The following MEOX1 variants were observed in gnomAD, a reference collection of about 807,000 sequenced individuals.
MEOX1 encodes the protein mesenchyme homeobox 1.
In MEOX1, 17 loss-of-function variants were observed where a neutral mutation model predicts 23.2. That is an observed-to-expected ratio of 0.73 (90% CI 0.50 to 1.10). The LOEUF is 1.10. MEOX1 is among the 50% of genes least tolerant of loss of function. The pLI is 0.00. For missense variants in MEOX1, 333 were observed against 332.2 expected (o/e 1.00, Z -0.02); for synonymous variants, 134 against 135.1 (o/e 0.99, Z 0.06).
intron 1 of MEOX1, among the ~76,000 whole-genome samples, chr17:43,659,069 C>T (rs370572255): frequency 2.6e-5 from 4 of 152,290 alleles, no homozygotes; most frequent in East Asian, 3.9e-4. Flanking sequence ...GCAGGGCCAT[C>T]GGCCACTCGC....
intron 1 of MEOX1, among the ~76,000 whole-genome samples, chr17:43,645,391 A>G (rs923715975): frequency 6.6e-6 from 1 of 151,990 alleles, no homozygotes; most frequent in Non-Finnish European, 1.5e-5. Context: ...GATAGCCAGG[A>G]TGATCTCGAT....
intron 1 of MEOX1, among the ~76,000 whole-genome samples, chr17:43,658,591 C>T (rs1973083208): frequency 6.6e-6 from 1 of 151,124 alleles, no homozygotes; most frequent in Non-Finnish European, 1.5e-5. Flanking sequence ...CAAAATATCA[C>T]AATTTTGGAG....
At position 43,658,168 on chromosome 17, in the gene MEOX1, T is replaced by C. The variant is rs569909775; in HGVS notation, c.469+2898A>G. Reference sequence around the variant, plus strand: ...CTTCCAGGGACCACTCAGCCTGGACTTGGGGAGGCCCAAATGCAAGGGCAT... The same window carrying C: ...CTTCCAGGGACCACTCAGCCTGGACCTGGGGAGGCCCAAATGCAAGGGCAT... On this transcript the variant is annotated intron_variant, in intron 1 of 2. Coordinates refer to ENST00000318579, the MANE Select transcript of MEOX1 (RefSeq NM_004527.4). 3.7e-3 allele frequency among the ~76,000 whole-genome samples: 558 copies of C among 152,314 alleles called. 1 individual carries two copies. Among genetic ancestry groups the C allele is most frequent in the African/African-American group, 0.013 (534 of 41,570 alleles).
At chr17:43,657,040 T>TTCTTTCTTTC in intron 1 of MEOX1, among the ~76,000 whole-genome samples, 1 of 140,406 alleles carries the variant, frequency 7.1e-6, no homozygotes, top group East Asian at 2.0e-4. Context: ...CTTTCTTTCT[T>TTCTTTCTTTC]TCTTTCTTTC....
intron 1 of MEOX1, among the ~76,000 whole-genome samples, chr17:43,656,717 A>ACC (rs1407809517): frequency 2.0e-5 from 3 of 152,138 alleles, no homozygotes; most frequent in Non-Finnish European, 2.9e-5. Flanking sequence ...TAGCCACTCT[A>ACC]ATCACACGCA....
At chr17:43,657,166 CTTTCTTTTTTTT>C (rs1207862743) in intron 1 of MEOX1, among the ~76,000 whole-genome samples, 3 of 81,148 alleles carry the variant, frequency 3.7e-5, no homozygotes, top group Non-Finnish European at 5.0e-5. Context: ...TTCTTTCTTT[CTTTCTTTTTTTT>C]TTTTTTTTTT....
chr17:43,651,101 G>A (rs1430543014), intron 1 of MEOX1, among the ~76,000 whole-genome samples: 1 of 152,082 alleles, frequency 6.6e-6, no homozygotes, highest in Non-Finnish European at 1.5e-5. Flanking sequence ...GGTGGATCAC[G>A]AGATCAGGAG....
chr17:43,657,032 TTCTTTC>T (rs751975902), intron 1 of MEOX1, among the ~76,000 whole-genome samples: 35 of 131,790 alleles, frequency 2.7e-4, no homozygotes, highest in Non-Finnish European at 4.0e-4. Context: ...CTTTCTTTCT[TTCTTTC>T]TTTCTTTCTT....
intron 1 of MEOX1, among the ~76,000 whole-genome samples, chr17:43,649,892 G>A (rs866420711): frequency 3.9e-5 from 6 of 152,142 alleles, no homozygotes; most frequent in Non-Finnish European, 5.9e-5. Context: ...ATGTGATTGC[G>A]GTTTCCACCA....
intron 1 of MEOX1, among the ~76,000 whole-genome samples, chr17:43,654,112 C>T (rs763535166): frequency 1.2e-4 from 19 of 152,130 alleles, no homozygotes; most frequent in Non-Finnish European, 2.6e-4. Context: ...AAGCCCTAAC[C>T]CCAGTACCTT....
chr17:43,648,454 A>C (rs1049172174), intron 1 of MEOX1, among the ~76,000 whole-genome samples: 1 of 148,898 alleles, frequency 6.7e-6, no homozygotes, highest in African/African-American at 2.5e-5. Flanking sequence ...GCAACAGAGA[A>C]AGACTCTGTC....
At chr17:43,657,214 G>T (rs1372734841) in intron 1 of MEOX1, among the ~76,000 whole-genome samples, 1 of 132,406 alleles carries the variant, frequency 7.6e-6, no homozygotes, top group Non-Finnish European at 1.5e-5. Context: ...TGTCACCCAG[G>T]CTGAATGAAG....
intron 2 of MEOX1, among the ~76,000 whole-genome samples, chr17:43,643,267 A>G (rs374860479): frequency 9.8e-5 from 15 of 152,362 alleles, no homozygotes; most frequent in African/African-American, 3.4e-4. Flanking sequence ...AGATCGCGCC[A>G]CTGCACTCCA....
chr17:43,652,185 T>G (rs1270156951), intron 1 of MEOX1, among the ~76,000 whole-genome samples: 2 of 152,112 alleles, frequency 1.3e-5, no homozygotes, highest in African/African-American at 2.4e-5. Flanking sequence ...CCATAAAACT[T>G]CTTCCTCACT....
chr17:43,653,030 C>T (rs1972947788), intron 1 of MEOX1, among the ~76,000 whole-genome samples: 1 of 151,558 alleles, frequency 6.6e-6, no homozygotes, highest in Non-Finnish European at 1.5e-5. Flanking sequence ...GATGGCATTT[C>T]ACCGTGTTAG....
At chr17:43,650,158 C>A (rs1216705424) in intron 1 of MEOX1, among the ~76,000 whole-genome samples, 3 of 152,190 alleles carry the variant, frequency 2.0e-5, no homozygotes, top group Non-Finnish European at 2.9e-5. Flanking sequence ...CAAGGGATTT[C>A]TTTCCTCCAA....
intron 1 of MEOX1, among the ~76,000 whole-genome samples, chr17:43,651,045 G>A (rs1017068427): frequency 1.3e-5 from 2 of 152,174 alleles, no homozygotes; most frequent in African/African-American, 2.4e-5. Flanking sequence ...CTGGCTGGGC[G>A]CGGTGGCTCA....
chr17:43,651,048 G>A (rs1200682975), intron 1 of MEOX1, among the ~76,000 whole-genome samples: 1 of 152,232 alleles, frequency 6.6e-6, no homozygotes, highest in African/African-American at 2.4e-5. Context: ...GCTGGGCGCG[G>A]TGGCTCACAC....
At chr17:43,645,364 A>G (rs934803497) in intron 1 of MEOX1, among the ~76,000 whole-genome samples, 4 of 151,846 alleles carry the variant, frequency 2.6e-5, no homozygotes, top group Middle Eastern at 3.4e-3. Flanking sequence ...TTTTTAGTAG[A>G]GACGACGTTT....
Sources: gnomAD v4.1 joint callset for allele counts (sites outside exome capture counted in the v4.1 genomes callset) on GRCh38, gnomAD v4.1.1 for gene constraint, MANE v1.5 for transcripts, NCBI Gene and HGNC (gene_info 2026-07-23, HGNC 2026-07-21) for gene names.